The following TTLL5 variants were observed in gnomAD, a reference collection of about 807,000 sequenced individuals.
TTLL5 encodes the protein tubulin tyrosine ligase like 5, also known as tubulin polyglutamylase TTLL5.
Under a neutral mutation model 168.4 loss-of-function variants are expected in TTLL5, and 132 were observed. The observed-to-expected ratio is 0.78, with a 90% CI of 0.68 to 0.91. The LOEUF (loss-of-function observed/expected upper bound fraction) is 0.91. Among genes scored for constraint, TTLL5 ranks in the 40% least tolerant of loss-of-function variants. The probability of loss-of-function intolerance (pLI) is 0.00; values close to 1 mark genes in which losing one functional copy is unlikely to be tolerated. For missense variants in TTLL5, 1,545 were observed against 1,581.5 expected, an observed-to-expected ratio of 0.98 and a Z score of 0.39; for synonymous variants, 546 against 558.6, an observed-to-expected ratio of 0.98 and a Z score of 0.32.
In TTLL5 at chr14:75,863,825, C is replaced by T; in HGVS notation, c.3485C>T (p.Ser1162Phe). 1.2e-6 allele frequency: 2 copies of T among 1,606,882 alleles called. No individual in the cohort carries two copies. Among genetic ancestry groups the T allele is most frequent in the Non-Finnish European group, 8.5e-7 (1 of 1,177,446 alleles). Residue 1162 changes from serine (S) to phenylalanine (F), a missense_variant, in exon 29 of 32, where the codon TCC becomes TTC. Physicochemically the swap from Ser to Phe is radical, Grantham distance 155. Coordinates refer to ENST00000298832, the MANE Select transcript of TTLL5 (RefSeq NM_015072.5). ...LQQLEQQKLQ[S>F]RQLLDQSRAR... Reference sequence around the variant, plus strand: ...CAACTTGAACAACAAAAACTTCAGTCCCGGCAGCTCCTGGACCAGAGTCGA... The same window carrying T: ...CAACTTGAACAACAAAAACTTCAGTTCCGGCAGCTCCTGGACCAGAGTCGA...
At chr14:75,843,857 A>ATTTTG (rs1555350782) in intron 28 of TTLL5, among the ~76,000 whole-genome samples, 6,354 of 98,764 alleles carry the variant, frequency 0.064, 217 homozygotes, top group Non-Finnish European at 0.08. Context: ...TATTTATTTT[A>ATTTTG]TTTTGTTTTG....
At chr14:75,796,310 A>G (rs997038106) in intron 27 of TTLL5, among the ~76,000 whole-genome samples, 2 of 152,130 alleles carry the variant, frequency 1.3e-5, no homozygotes, top group Admixed American at 1.3e-4. Flanking sequence ...AGTTCCTTGT[A>G]GATTCTGGCT....
At chr14:75,735,396 G>A in intron 15 of TTLL5, 107 bp downstream of exon 15, 1 of 1,027,062 alleles carries the variant, frequency 9.7e-7, no homozygotes, top group East Asian at 2.4e-5. Context: ...CTTAGAGCAG[G>A]AGAATTTGGG....
intron 3 of TTLL5, among the ~76,000 whole-genome samples, chr14:75,675,359 A>G (rs1054887135): frequency 3.9e-5 from 6 of 152,180 alleles, no homozygotes; most frequent in African/African-American, 1.4e-4. Flanking sequence ...TAAACCCTTT[A>G]AGGCGTTTCA....
At chr14:75,722,532 G>A (rs150426147) in intron 12 of TTLL5, among the ~76,000 whole-genome samples, 219 of 152,200 alleles carry the variant, frequency 1.4e-3, no homozygotes, top group Middle Eastern at 3.4e-3. Context: ...ACACTCAGCC[G>A]TGTCTGAGTT....
At chr14:75,711,378 C>G (rs1458645169) in intron 9 of TTLL5, 1 of 152,120 alleles carries the variant, frequency 6.6e-6, no homozygotes, top group Non-Finnish European at 1.5e-5. Flanking sequence ...TTTTTCCTGT[C>G]AGGGGTGGAC....
At chr14:75,825,575 G>A (rs1369054309) in intron 28 of TTLL5, among the ~76,000 whole-genome samples, 6 of 152,106 alleles carry the variant, frequency 3.9e-5, no homozygotes, top group Admixed American at 3.9e-4. Context: ...TTTCTCTGGA[G>A]CAGTTTGGAG....
Position 75,954,669 on chromosome 14 carries a change from G to A in TTLL5, c.*223G>A. The A allele has an allele frequency of 1.7e-6, 1 of 592,732 alleles. No individual in the cohort carries two copies. The highest frequency in any genetic ancestry group is 2.2e-5 in the South Asian group (1 of 46,178). The allele number at this position is 592,732 out of a possible 1,614,324, so 36.7% of individuals were successfully genotyped here. A position where few individuals can be genotyped will look rare whatever the true frequency, so the allele number is the denominator to read the frequency against. ...GATCTTCTGGGTTTTGATGGAACTT[G>A]GCAGTGGGGACATTCAGCTGATGCA... is the stretch of plus-strand genomic sequence containing the variant. On this transcript the variant is annotated 3_prime_UTR_variant, in exon 32 of 32. Coordinates refer to ENST00000298832, the MANE Select transcript of TTLL5 (RefSeq NM_015072.5).
intron 9 of TTLL5, among the ~76,000 whole-genome samples, chr14:75,715,976 A>G (rs996944730): frequency 6.6e-6 from 1 of 152,126 alleles, no homozygotes; most frequent in African/African-American, 2.4e-5. Context: ...TCTTTTTCTG[A>G]AGCAGAAGCT....
chr14:75,676,114 G>T (rs1292418848), intron 3 of TTLL5, among the ~76,000 whole-genome samples: 1 of 152,098 alleles, frequency 6.6e-6, no homozygotes, highest in African/African-American at 2.4e-5. Context: ...TTCTATTCTT[G>T]CCCTCAATGG....
chr14:75,708,085 C>G lies in TTLL5; in HGVS notation c.740+378C>G, dbSNP rs553424062. ...ATAGATGTAGAAAGAAAAATAAAAT[C>G]CTACCTGTATTTGCCTATTATATGC... On this transcript the variant is annotated intron_variant, in intron 9 of 31. Transcript: ENST00000298832. Among the ~76,000 whole-genome samples, 5 of 152,282 alleles carry G rather than the reference C, an allele frequency of 3.3e-5. No homozygotes were observed. The South Asian group carries it at 1.0e-3, about 32-fold the overall frequency.
chr14:75,737,218 A>AGCCT (rs774318546), intron 15 of TTLL5, among the ~76,000 whole-genome samples: 19 of 152,240 alleles, frequency 1.2e-4, no homozygotes, highest in Non-Finnish European at 2.6e-4. Context: ...ATCCATAAGC[A>AGCCT]GCCTACAGGA....
intron 31 of TTLL5, among the ~76,000 whole-genome samples, chr14:75,914,907 G>A (rs2033559237): frequency 6.6e-6 from 1 of 152,188 alleles, no homozygotes; most frequent in Admixed American, 6.5e-5. Context: ...ACAGGCATGA[G>A]CCACTGTGCC....
intron 21 of TTLL5, 63 bp from the exon 22 acceptor site, chr14:75,775,421 T>G: frequency 6.3e-7 from 1 of 1,575,046 alleles, no homozygotes; most frequent in African/African-American, 1.4e-5. Context: ...CCTTCATAGC[T>G]TGTCTTCTGT....
At chr14:75,705,559 T>C (rs1278657492) in intron 7 of TTLL5, among the ~76,000 whole-genome samples, 2 of 152,212 alleles carry the variant, frequency 1.3e-5, no homozygotes, top group Admixed American at 1.3e-4. Flanking sequence ...AGCAGGTCCC[T>C]AACCCACTCT....
Position 75,663,108 on chromosome 14 carries a change from T to C in TTLL5, c.-42T>C, listed in dbSNP as rs1890861918. On this transcript the variant is annotated 5_prime_UTR_variant, in exon 2 of 32. Transcript: ENST00000298832. ...CAGTGAATCTGCTAGGAAAGGTCTC[T>C]GAGGCCCCCGTCTGCTGACTGCATG... 2 of 1,596,910 alleles carry C rather than the reference T, an allele frequency of 1.3e-6. No homozygotes were observed. Among genetic ancestry groups the C allele is most frequent in the Non-Finnish European group, 8.6e-7 (1 of 1,167,254 alleles).
chr14:75,794,764 TA>T (rs1892910832), intron 27 of TTLL5, among the ~76,000 whole-genome samples: 1 of 152,194 alleles, frequency 6.6e-6, no homozygotes, highest in Non-Finnish European at 1.5e-5. Context: ...TAGGATGTAA[TA>T]AGCAGGATGG....
chr14:75,811,285 A>G (rs1261952976), intron 27 of TTLL5, among the ~76,000 whole-genome samples: 2 of 151,296 alleles, frequency 1.3e-5, no homozygotes, highest in Non-Finnish European at 2.9e-5. Flanking sequence ...ACTGTTGTCT[A>G]CTAGATCAAG....
At chr14:75,724,113 C>G (rs1447329959) in intron 12 of TTLL5, among the ~76,000 whole-genome samples, 1 of 151,886 alleles carries the variant, frequency 6.6e-6, no homozygotes, top group Non-Finnish European at 1.5e-5. Context: ...TAGGGGAAAC[C>G]AACAGACCAG....
Sources: gnomAD v4.1 joint callset for allele counts (sites outside exome capture counted in the v4.1 genomes callset) on GRCh38, gnomAD v4.1.1 for gene constraint, MANE v1.5 for transcripts, NCBI Gene and HGNC (gene_info 2026-07-23, HGNC 2026-07-21) for gene names.